Variants in NTM observed in about 807,000 individuals in gnomAD.
The protein encoded by NTM is IgLON family member 2.
Under a neutral mutation model 42.1 loss-of-function variants are expected in NTM, and 13 were observed. The observed-to-expected ratio is 0.31, with a 90% CI of 0.20 to 0.49. The LOEUF is 0.49. NTM is among the 20% of genes least tolerant of loss of function. The pLI is 0.99. For synonymous variants in NTM, 187 were observed against 179.2 expected (o/e 1.04, Z -0.35); for missense variants, 373 against 452.8 (o/e 0.82, Z 1.60).
Position 132,043,572 on chromosome 11 carries a change from T to C in NTM, c.168-102710T>C, listed in dbSNP as rs77509474. On this transcript the variant is annotated intron_variant, in intron 2 of 8. Coordinates refer to ENST00000683400, the MANE Select transcript of NTM (RefSeq NM_001352005.2). ...TCTGACTCAGCCAGTTTTTACAGAT[T>C]GTTGATTTGGGTTCAGTTATAGTTT... Among the ~76,000 whole-genome samples, 990 of 152,294 alleles carry C rather than the reference T, an allele frequency of 6.5e-3. 14 individuals carry two copies. The highest frequency in any genetic ancestry group is 0.022 in the African/African-American group (924 of 41,558).
chr11:132,295,179 A>C (rs541310057), intron 4 of NTM, among the ~76,000 whole-genome samples: 1 of 152,068 alleles, frequency 6.6e-6, no homozygotes, highest in South Asian at 2.1e-4. Flanking sequence ...AGAAAGAAAA[A>C]CCTTAAAAAA....
At chr11:131,644,207 A>C (rs1565368129) in intron 1 of NTM, among the ~76,000 whole-genome samples, 1 of 152,030 alleles carries the variant, frequency 6.6e-6, no homozygotes, top group African/African-American at 2.4e-5. Context: ...TTAGGGGAGG[A>C]GCAAAGAGCC....
At chr11:131,838,392 G>A (rs1307944326) in intron 1 of NTM, among the ~76,000 whole-genome samples, 2 of 152,228 alleles carry the variant, frequency 1.3e-5, no homozygotes, top group East Asian at 1.9e-4. Context: ...GGTAGCAGAC[G>A]TTAAAAGGTC....
At chr11:131,811,963 C>T (rs1257305792) in intron 1 of NTM, among the ~76,000 whole-genome samples, 4 of 152,174 alleles carry the variant, frequency 2.6e-5, no homozygotes, top group African/African-American at 7.2e-5. Flanking sequence ...CAAGTATTTA[C>T]AGTAGATGAT....
chr11:132,138,340 G>A (rs1447781887), intron 2 of NTM, among the ~76,000 whole-genome samples: 2 of 152,272 alleles, frequency 1.3e-5, no homozygotes, highest in African/African-American at 2.4e-5. Flanking sequence ...AAAGCTTGCC[G>A]GTATATGAAT....
intron 2 of NTM, among the ~76,000 whole-genome samples, chr11:131,992,177 A>G (rs1029349): frequency 0.63 from 96,003 of 151,968 alleles, 30,784 homozygotes; most frequent in African/African-American, 0.74. Context: ...ACGACTATGA[A>G]GATGAAGAGT....
At chr11:131,954,810 TA>T (rs1371428322) in intron 2 of NTM, among the ~76,000 whole-genome samples, 2 of 152,188 alleles carry the variant, frequency 1.3e-5, no homozygotes, top group African/African-American at 2.4e-5. Context: ...ATTTTTCATT[TA>T]AAAAAATGAA....
At position 131,763,443 on chromosome 11, in the gene NTM, A is replaced by G. The variant is rs80086202; in HGVS notation, c.83-148121A>G. 7.1e-3 allele frequency among the ~76,000 whole-genome samples: 1,078 copies of G among 152,298 alleles called. 8 individuals carry two copies. Among genetic ancestry groups the G allele is most frequent in the African/African-American group, 0.024 (988 of 41,552 alleles). On this transcript the variant is annotated intron_variant, in intron 1 of 8. Transcript: ENST00000683400. The stretch of plus-strand genomic sequence containing the variant: ...AAGAGTAGTTATATAACACTTAGCC[A>G]AGACTAAAGCTAAATTTTGAGATAA...
chr11:131,389,180 A>C (rs992884497), intron 1 of NTM, among the ~76,000 whole-genome samples: 2 of 152,176 alleles, frequency 1.3e-5, no homozygotes. Context: ...GCAACGCTCT[A>C]GGAGGTTGAG....
chr11:131,873,668 T>TATATATATACACACATATATATACACAC (rs746534551), intron 1 of NTM, among the ~76,000 whole-genome samples: 2 of 105,422 alleles, frequency 1.9e-5, no homozygotes, highest in African/African-American at 4.7e-5. Context: ...TATATACACA[T>TATATATATACACACATATATATACACAC]ATATATATAC....
chr11:131,750,912 G>C (rs982301400), intron 1 of NTM, among the ~76,000 whole-genome samples: 1 of 152,192 alleles, frequency 6.6e-6, no homozygotes, highest in South Asian at 2.1e-4. Flanking sequence ...CTCCTCCCCT[G>C]CCTCGGTGTT....
chr11:131,394,751 T>C (rs1044441693), intron 1 of NTM, among the ~76,000 whole-genome samples: 2 of 152,154 alleles, frequency 1.3e-5, no homozygotes, highest in Non-Finnish European at 2.9e-5. Context: ...AACTCAGGCA[T>C]CTCAGCGTCG....
intron 3 of NTM, among the ~76,000 whole-genome samples, chr11:132,169,320 C>CTGTTTATTTTTTTTTTTTTTTT (rs2075775223): frequency 3.1e-5 from 1 of 32,358 alleles, no homozygotes; most frequent in East Asian, 7.8e-4. Flanking sequence ...AATTTTTTTA[C>CTGTTTATTTTTTTTTTTTTTTT]TTTTTTTTTT....
At chr11:131,694,042 T>A (rs1373663426) in intron 1 of NTM, among the ~76,000 whole-genome samples, 2 of 152,148 alleles carry the variant, frequency 1.3e-5, no homozygotes, top group Non-Finnish European at 2.9e-5. Context: ...GTCACCCACC[T>A]CTCCCCGACT....
chr11:131,881,863 A>G (rs550717657), intron 1 of NTM, among the ~76,000 whole-genome samples: 6 of 152,342 alleles, frequency 3.9e-5, no homozygotes, highest in Non-Finnish European at 8.8e-5. Flanking sequence ...GCAAATTGCT[A>G]TTCCAAGTAC....
chr11:131,637,250 G>A (rs147328483), intron 1 of NTM, among the ~76,000 whole-genome samples: 82 of 151,972 alleles, frequency 5.4e-4, no homozygotes, highest in African/African-American at 1.9e-3. Flanking sequence ...CCCTGAGCTC[G>A]TCTTCTCCTT....
chr11:131,461,758 T>C (rs141022197), intron 1 of NTM, among the ~76,000 whole-genome samples: 34 of 152,332 alleles, frequency 2.2e-4, no homozygotes, highest in African/African-American at 8.2e-4. Flanking sequence ...ATTATGATAA[T>C]AATTTCACAA....
intron 2 of NTM, among the ~76,000 whole-genome samples, chr11:132,136,305 C>T (rs1566265111): frequency 6.6e-6 from 1 of 152,216 alleles, no homozygotes; most frequent in Non-Finnish European, 1.5e-5. Context: ...CTCACCTAGG[C>T]CCCAGGCAGT....
chr11:131,973,717 C>T (rs1432810095), intron 2 of NTM, among the ~76,000 whole-genome samples: 3 of 152,028 alleles, frequency 2.0e-5, no homozygotes, highest in East Asian at 1.9e-4. Flanking sequence ...CTCGGGAGGC[C>T]AAGGCAGGAG....
Sources: allele counts gnomAD v4.1 joint callset (sites outside exome capture counted in the v4.1 genomes callset), GRCh38; gene constraint gnomAD v4.1.1; transcripts MANE v1.5; gene names NCBI Gene and HGNC (gene_info 2026-07-23, HGNC 2026-07-21).